Variants in TERF1 observed in about 807,000 individuals in gnomAD.
TERF1 encodes telomeric repeat-binding factor 1.
A neutral mutation model predicts 55.1 loss-of-function variants in TERF1; 20 were observed. The observed-to-expected ratio is 0.36, with a 90% CI of 0.26 to 0.53. The LOEUF (loss-of-function observed/expected upper bound fraction) is 0.53. TERF1 is among the 20% of genes least tolerant of loss of function. The pLI is 0.91. For synonymous variants in TERF1, 168 were observed against 181.2 expected (o/e 0.93, Z 0.59); for missense variants, 439 against 535.7 (o/e 0.82, Z 1.78).
chr8:73,033,559 C>T (rs879637118), intron 8 of TERF1, among the ~76,000 whole-genome samples: 6 of 152,064 alleles, frequency 3.9e-5, no homozygotes, highest in Admixed American at 3.3e-4. Context: ...ATGGCGAAAC[C>T]CCGTTTCTAC....
In TERF1 at chr8:73,024,934, A is replaced by G. The variant is rs1808914529; in HGVS notation, c.737A>G (p.Tyr246Cys). Residue 246 changes from tyrosine to cysteine, a missense_variant, in exon 5 of 10, where the codon TAT becomes TGT. Physicochemically the swap from Tyr to Cys is radical, Grantham distance 194. Transcript: ENST00000276603. ...GAGAAAATTAAGAGTTATGTGAATTATGTGCTAAGTGAAAAATCATCAACC... is the reference window on the plus strand; with the variant it reads ...GAGAAAATTAAGAGTTATGTGAATTGTGTGCTAAGTGAAAAATCATCAACC... ...MMEKIKSYVN[Y>C]VLSEKSSTFL... The G allele has an allele frequency of 6.3e-7, 1 of 1,580,444 alleles. No homozygotes were observed. Among genetic ancestry groups the G allele is most frequent in the Non-Finnish European group, 8.6e-7 (1 of 1,167,312 alleles).
intron 8 of TERF1, among the ~76,000 whole-genome samples, chr8:73,032,560 G>A (rs1028704248): frequency 2.0e-5 from 3 of 149,600 alleles, no homozygotes; most frequent in East Asian, 1.9e-4. Context: ...ACTGGGAACC[G>A]TGGGTTTTCT....
chr8:73,037,707 TATTA>T (rs1563471886), intron 8 of TERF1, among the ~76,000 whole-genome samples: 2 of 87,304 alleles, frequency 2.3e-5, no homozygotes, highest in African/African-American at 1.0e-4. Flanking sequence ...TATAATATTA[TATTA>T]TATATAATAT....
rs1563459421 is a variant in TERF1, at chr8:73,020,687, C to T, written c.419C>T (p.Ala140Val). 2 of 1,591,126 alleles carry T rather than the reference C, an allele frequency of 1.3e-6. No homozygotes were observed. Among genetic ancestry groups the T allele is most frequent in the Non-Finnish European group, 1.7e-6 (2 of 1,172,654 alleles). Residue 140 changes from alanine to valine, a missense_variant, in exon 3 of 10, where the codon GCA (alanine) becomes GTA (valine). Ala to Val is a moderately conservative substitution (Grantham distance 64, BLOSUM62 0). This residue lies in a region of TERF1 where 95 missense variants were observed against 167.2 expected (regional missense o/e 0.57). Coordinates refer to ENST00000276603, the MANE Select transcript of TERF1 (RefSeq NM_017489.3). ...ATTTTTGTTCTGTTTTTAAAAGATG[C>T]ACAGTTTGAAAATGATGAACGAATT... is the stretch of plus-strand genomic sequence containing the variant. Reference protein sequence around the residue: ...TRIAAGKTLDAQFENDERITP... With the variant: ...TRIAAGKTLDVQFENDERITP...
chr8:73,039,226 G>A lies in TERF1; in HGVS notation c.1143+7G>A. On this transcript the variant is annotated splice_region_variant and intron_variant, in intron 9 of 9. Transcript: ENST00000276603. Reference sequence around the variant, plus strand: ...TCGAGCTAGAAAAAGACAGGTATTTGGTTTTTTAAAATTCGAATAACGCTT... The same window carrying A: ...TCGAGCTAGAAAAAGACAGGTATTTAGTTTTTTAAAATTCGAATAACGCTT... 6.3e-7 allele frequency: 1 copy of A among 1,580,456 alleles called. No individual in the cohort carries two copies. The highest frequency in any genetic ancestry group is 8.6e-7 in the Non-Finnish European group (1 of 1,164,172).
In TERF1 at chr8:73,008,873, G is replaced by A. The variant is rs1317142016; in HGVS notation, c.-14G>A. ...CGGCGCCTGAAGGGGCAGTACCCAA[G>A]CGAGCCATTTAACATGGCGGAGGAT... On this transcript the variant is annotated 5_prime_UTR_variant, in exon 1 of 10. Transcript: ENST00000276603. The A allele has an allele frequency of 1.3e-6, 2 of 1,593,606 alleles. No individual in the cohort carries two copies. The highest frequency in any genetic ancestry group is 1.7e-6 in the Non-Finnish European group (2 of 1,171,186).
At chr8:73,020,887 G>T in intron 3 of TERF1, 82 bp downstream of exon 3, 1 of 887,956 alleles carries the variant, frequency 1.1e-6, no homozygotes, top group South Asian at 2.0e-5. Flanking sequence ...AGTAGAAGTT[G>T]AGCAGTAGTA....
At chr8:73,038,246 T>G (rs1041769999) in intron 8 of TERF1, among the ~76,000 whole-genome samples, 4 of 151,940 alleles carry the variant, frequency 2.6e-5, no homozygotes, top group Admixed American at 6.6e-5. Flanking sequence ...GCCCAGGAAT[T>G]AAGAGACCAG....
chr8:73,014,057 G>A, intron 2 of TERF1, 67 bp downstream of exon 2: 1 of 1,357,226 alleles, frequency 7.4e-7, no homozygotes, highest in Non-Finnish European at 1.0e-6. Context: ...ACAATGGGAA[G>A]AAACAGACGT....
chr8:73,026,236 G>T (rs559893551), intron 5 of TERF1, among the ~76,000 whole-genome samples: 3 of 147,876 alleles, frequency 2.0e-5, no homozygotes, highest in Non-Finnish European at 4.5e-5. Flanking sequence ...GGTAACTCAC[G>T]CCTGTAATCC....
chr8:73,030,877 C>T (rs1391440475), intron 7 of TERF1: 1 of 152,414 alleles, frequency 6.6e-6, no homozygotes, highest in African/African-American at 2.4e-5. Context: ...GTTGGGATCA[C>T]AAGTGGAACC....
In TERF1 at chr8:73,010,054, C is replaced by G. The variant is rs56341321; in HGVS notation, c.319+849C>G. 13 of 152,262 alleles carry G rather than the reference C, an allele frequency of 8.5e-5. No individual in the cohort carries two copies. The East Asian group carries it at 2.5e-3, about 29-fold the overall frequency. 9.4% of individuals were successfully genotyped at this position (152,262 alleles called of 1,614,324 possible). On this transcript the variant is annotated intron_variant, in intron 1 of 9. Coordinates refer to ENST00000276603, the MANE Select transcript of TERF1 (RefSeq NM_017489.3). Reference sequence around the variant, plus strand: ...AAGATTACAGGTATGAGCCACCGCGCCTGGCCTAGTGTAGCTTTTTGAAAA... The same window carrying G: ...AAGATTACAGGTATGAGCCACCGCGGCTGGCCTAGTGTAGCTTTTTGAAAA...
intron 6 of TERF1, chr8:73,029,923 A>G (rs887103171): frequency 1.3e-5 from 2 of 153,790 alleles, no homozygotes; most frequent in African/African-American, 4.8e-5. Context: ...CCAAAAGTTC[A>G]ATTGGAGACT....
intron 8 of TERF1, among the ~76,000 whole-genome samples, chr8:73,035,416 C>T (rs1477317418): frequency 2.0e-5 from 3 of 150,792 alleles, no homozygotes; most frequent in South Asian, 2.1e-4. Flanking sequence ...GAATATGCTT[C>T]GTAGATTTTT....
At chr8:73,033,549 A>G (rs1393038887) in intron 8 of TERF1, among the ~76,000 whole-genome samples, 1 of 152,180 alleles carries the variant, frequency 6.6e-6, no homozygotes, top group Non-Finnish European at 1.5e-5. Context: ...CCTTGGCAAC[A>G]TGGCGAAACC....
chr8:73,030,498 A>G (rs1244683599), intron 7 of TERF1, 103 bp downstream of exon 7: 1 of 754,098 alleles, frequency 1.3e-6, no homozygotes. Context: ...CAATTGAAAG[A>G]ATATCTCAGG....
chr8:73,042,736 A>T (rs1809883065), intron 9 of TERF1, among the ~76,000 whole-genome samples: 1 of 152,194 alleles, frequency 6.6e-6, no homozygotes, highest in South Asian at 2.1e-4. Flanking sequence ...ATGGATATAC[A>T]GTGCAGATCT....
intron 1 of TERF1, chr8:73,010,194 A>G (rs1057451105): frequency 6.6e-6 from 1 of 152,216 alleles, no homozygotes; most frequent in Admixed American, 6.5e-5. Flanking sequence ...ACATTTTGAC[A>G]CATTTCATCT....
At chr8:73,023,146 C>A (rs1178771679) in intron 4 of TERF1, among the ~76,000 whole-genome samples, 2 of 152,004 alleles carry the variant, frequency 1.3e-5, no homozygotes, top group Admixed American at 1.3e-4. Flanking sequence ...ATATGCATTT[C>A]TTTTGGGTTT....
Sources: gnomAD v4.1 joint callset for allele counts (sites outside exome capture counted in the v4.1 genomes callset) on GRCh38, gnomAD v4.1.1 for gene constraint, gnomAD v4.1.1 regional missense constraint, MANE v1.5 for transcripts, NCBI Gene and HGNC (gene_info 2026-07-23, HGNC 2026-07-21) for gene names.